The following MACROD2 variants were observed in gnomAD, a reference collection of about 807,000 sequenced individuals.
The protein encoded by MACROD2 is ADP-ribose glycohydrolase MACROD2.
Under a neutral mutation model 70.4 loss-of-function variants are expected in MACROD2, and 36 were observed. That is an observed-to-expected ratio of 0.51 (90% CI 0.39 to 0.68). MACROD2 has a LOEUF of 0.68. Among genes scored for constraint, MACROD2 ranks in the 30% least tolerant of loss-of-function variants. MACROD2 has a pLI of 0.00. For synonymous variants in MACROD2, 172 were observed against 178.8 expected, an observed-to-expected ratio of 0.96 and a Z score of 0.30; for missense variants, 496 against 538.4, an observed-to-expected ratio of 0.92 and a Z score of 0.78.
At chr20:14,804,559 T>C (rs1257604603) in intron 5 of MACROD2, among the ~76,000 whole-genome samples, 1 of 151,968 alleles carries the variant, frequency 6.6e-6, no homozygotes, top group Non-Finnish European at 1.5e-5. Context: ...AAGAAAAAGA[T>C]CAGCCTCCTG....
At chr20:14,628,568 T>G (rs1455771325) in intron 4 of MACROD2, 2 of 152,180 alleles carry the variant, frequency 1.3e-5, no homozygotes, top group Non-Finnish European at 2.9e-5. Flanking sequence ...GTAAGTGTGT[T>G]TGTATGTAGG....
chr20:15,085,910 A>ACG (rs2075745470), intron 5 of MACROD2, among the ~76,000 whole-genome samples: 1 of 148,734 alleles, frequency 6.7e-6, no homozygotes, highest in African/African-American at 2.6e-5. Flanking sequence ...ACACACACAC[A>ACG]CAGATTTTTT....
chr20:15,033,512 A>G (rs576677770), intron 5 of MACROD2, among the ~76,000 whole-genome samples: 1 of 152,228 alleles, frequency 6.6e-6, no homozygotes, highest in African/African-American at 2.4e-5. Context: ...TGACCCAGTT[A>G]TTTGCTTTTT....
intron 8 of MACROD2, among the ~76,000 whole-genome samples, chr20:15,783,579 A>AT (rs1176987346): frequency 6.6e-6 from 1 of 152,144 alleles, no homozygotes; most frequent in Non-Finnish European, 1.5e-5. Flanking sequence ...TTTCTCTTTA[A>AT]TGATGCCTTA....
At chr20:15,438,993 G>A (rs1200027499) in intron 7 of MACROD2, among the ~76,000 whole-genome samples, 1 of 152,164 alleles carries the variant, frequency 6.6e-6, no homozygotes, top group African/African-American at 2.4e-5. Context: ...TTCTCAAACT[G>A]GAAGTTTGTA....
In MACROD2 at chr20:15,157,349, A is replaced by ACCCC. The variant is rs71870874; in HGVS notation, c.419-72585_419-72582dup. Among the ~76,000 whole-genome samples the ACCCC allele has an allele frequency of 8.1e-4, 89 of 109,310 alleles. 1 individual carries two copies. Among genetic ancestry groups the ACCCC allele is most frequent in the Non-Finnish European group, 1.0e-3 (53 of 51,350 alleles). 71.7% of individuals were successfully genotyped at this position (109,310 alleles called of 152,430 possible). A position where few individuals can be genotyped will look rare whatever the true frequency, so the allele number is the denominator to read the frequency against. On this transcript the variant is annotated intron_variant, in intron 5 of 17. Coordinates refer to ENST00000684519, the MANE Select transcript of MACROD2 (RefSeq NM_001351661.2). The stretch of plus-strand genomic sequence containing the variant: ...TGACCTCATCTAAATCTAATTAACC[A>ACCCC]CCCCCCCCCACCTCCCCCCCCCCCG...
At chr20:14,932,819 G>A (rs1282505236) in intron 5 of MACROD2, among the ~76,000 whole-genome samples, 1 of 152,054 alleles carries the variant, frequency 6.6e-6, no homozygotes, top group East Asian at 1.9e-4. Context: ...GCCCGCCTCG[G>A]CCTCCCAAAG....
chr20:15,748,539 A>G (rs990940539), intron 8 of MACROD2, among the ~76,000 whole-genome samples: 1 of 152,050 alleles, frequency 6.6e-6, no homozygotes, highest in Non-Finnish European at 1.5e-5. Flanking sequence ...TGAAGCTTCA[A>G]AAGGAAGTGT....
rs869211791 is a variant in MACROD2, at chr20:15,027,557, TG to T, written c.419-202377del. On this transcript the variant is annotated intron_variant, in intron 5 of 17. Transcript: ENST00000684519. ...GTGGTGGTAGTGATGGTGGTGGTGGTGGGGGGAAATAATATCTATTTGTGAA... is the reference window on the plus strand; with the variant it reads ...GTGGTGGTAGTGATGGTGGTGGTGGTGGGGGAAATAATATCTATTTGTGAA... Among the ~76,000 whole-genome samples the T allele has an allele frequency of 3.7e-3, 410 of 110,902 alleles. 3 individuals are homozygous for T. The highest frequency in any genetic ancestry group is 5.6e-3 in the African/African-American group (220 of 39,040). The allele number at this position is 110,902 out of a possible 152,430, so 72.8% of individuals were successfully genotyped here. A position where few individuals can be genotyped will look rare whatever the true frequency, so the allele number is the denominator to read the frequency against.
chr20:15,654,275 G>T (rs16996282), intron 8 of MACROD2, among the ~76,000 whole-genome samples: 3,625 of 152,198 alleles, frequency 0.024, 178 homozygotes, highest in East Asian at 0.2. Flanking sequence ...TTAGCATACT[G>T]AGCTCCACCT....
intron 8 of MACROD2, among the ~76,000 whole-genome samples, chr20:15,549,900 C>A (rs985831219): frequency 6.6e-6 from 1 of 151,690 alleles, no homozygotes; most frequent in African/African-American, 2.4e-5. Flanking sequence ...ATTAAGTTTG[C>A]GACATTGCTG....
intron 8 of MACROD2, among the ~76,000 whole-genome samples, chr20:15,507,253 C>A (rs1359863680): frequency 6.6e-6 from 1 of 151,718 alleles, no homozygotes; most frequent in East Asian, 1.9e-4. Context: ...CGTTCTCTTT[C>A]TCTCTCACTC....
intron 10 of MACROD2, among the ~76,000 whole-genome samples, chr20:15,914,891 G>C (rs2147275344): frequency 6.6e-6 from 1 of 152,150 alleles, no homozygotes; most frequent in Non-Finnish European, 1.5e-5. Flanking sequence ...TGCTGGAATG[G>C]GTCACAGAGC....
intron 5 of MACROD2, among the ~76,000 whole-genome samples, chr20:14,702,427 A>C (rs1201644873): frequency 6.6e-6 from 1 of 151,464 alleles, no homozygotes; most frequent in African/African-American, 2.4e-5. Flanking sequence ...TTTCTACCAG[A>C]AGCACGGAAA....
intron 3 of MACROD2, among the ~76,000 whole-genome samples, chr20:14,434,840 A>T (rs2084038279): frequency 6.6e-6 from 1 of 152,068 alleles, no homozygotes; most frequent in Non-Finnish European, 1.5e-5. Context: ...ACTCTACTGA[A>T]AATGCTTTTA....
chr20:16,000,733 C>G (rs1355219235), intron 15 of MACROD2, among the ~76,000 whole-genome samples: 3 of 152,064 alleles, frequency 2.0e-5, no homozygotes, highest in Non-Finnish European at 4.4e-5. Flanking sequence ...ACTAAAGATC[C>G]TAATCATAAA....
chr20:15,715,427 A>T (rs2050694870), intron 8 of MACROD2, among the ~76,000 whole-genome samples: 1 of 152,210 alleles, frequency 6.6e-6, no homozygotes, highest in Non-Finnish European at 1.5e-5. Context: ...ATGCAAAAGA[A>T]AAATCAACAA....
intron 5 of MACROD2, among the ~76,000 whole-genome samples, chr20:14,826,779 C>T (rs945547374): frequency 2.6e-5 from 4 of 152,160 alleles, no homozygotes; most frequent in East Asian, 3.9e-4. Context: ...AGTTGAAATG[C>T]GGATACACAA....
chr20:14,266,640 T>A (rs2082146941), intron 3 of MACROD2, among the ~76,000 whole-genome samples: 1 of 152,192 alleles, frequency 6.6e-6, no homozygotes, highest in African/African-American at 2.4e-5. Flanking sequence ...TTATAATACA[T>A]AATTTGGATT....
Sources: gnomAD v4.1 joint callset for allele counts (sites outside exome capture counted in the v4.1 genomes callset) on GRCh38, gnomAD v4.1.1 for gene constraint, MANE v1.5 for transcripts, NCBI Gene and HGNC (gene_info 2026-07-23, HGNC 2026-07-21) for gene names.